The following NEURL1B variants were observed in gnomAD, a reference collection of about 807,000 sequenced individuals.
The protein encoded by NEURL1B is E3 ubiquitin-protein ligase NEURL1B.
NEURL1B carries 13 observed loss-of-function variants against 37.4 expected under a neutral mutation model. That is an observed-to-expected ratio of 0.35 (90% CI 0.23 to 0.55). The LOEUF (loss-of-function observed/expected upper bound fraction) is 0.55, where lower values mean the gene tolerates loss of function less well. NEURL1B is among the 20% of genes least tolerant of loss of function. The pLI is 0.89. For synonymous variants in NEURL1B, 432 were observed against 426.6 expected (o/e 1.01, Z -0.16); for missense variants, 790 against 879.2 (o/e 0.90, Z 1.28).
chr5:172,649,822 C>A (rs896562597), intron 1 of NEURL1B, among the ~76,000 whole-genome samples: 1 of 152,214 alleles, frequency 6.6e-6, no homozygotes, highest in African/African-American at 2.4e-5. Context: ...TCAGAACTTT[C>A]AGATAGCGGC....
chr5:172,650,485 T>G (rs1209640210), intron 1 of NEURL1B, among the ~76,000 whole-genome samples: 1 of 152,168 alleles, frequency 6.6e-6, no homozygotes, highest in African/African-American at 2.4e-5. Context: ...AAATGGGGTC[T>G]TTCGCTGGAA....
chr5:172,649,187 A>G (rs1757613964), intron 1 of NEURL1B, among the ~76,000 whole-genome samples: 1 of 152,088 alleles, frequency 6.6e-6, no homozygotes, highest in African/African-American at 2.4e-5. Flanking sequence ...GTACACAGGT[A>G]ATTAGTCAAA....
In NEURL1B at chr5:172,676,791, G is replaced by T. The variant is rs970330616; in HGVS notation, c.577+6461G>T. 4.6e-5 allele frequency among the ~76,000 whole-genome samples: 7 copies of T among 152,228 alleles called. No individual in the cohort carries two copies. The highest frequency in any genetic ancestry group is 8.8e-5 in the Non-Finnish European group (6 of 68,046). On this transcript the variant is annotated intron_variant, in intron 2 of 4. Transcript: ENST00000369800. The surrounding 1 kb of genome is among the most constrained non-coding windows in gnomAD (Gnocchi z 4.5). ...GGGTCATGTCTTCTGTTCCTTACAA[G>T]AATCCTGTGAGGCAGGAAACTCATT... is the stretch of plus-strand genomic sequence containing the variant.
At position 172,661,254 on chromosome 5, in the gene NEURL1B, A is replaced by G. The variant is rs927657741; in HGVS notation, c.32-8531A>G. Among the ~76,000 whole-genome samples the G allele has an allele frequency of 7.2e-5, 11 of 152,196 alleles. No individual in the cohort carries two copies. The highest frequency in any genetic ancestry group is 1.5e-4 in the Non-Finnish European group (10 of 68,046). Reference sequence around the variant, plus strand: ...AGGTCCAGGAAGCCCCTGAAGTTGAATATCAGATTGTGCATGGAGTCTGGG... The same window carrying G: ...AGGTCCAGGAAGCCCCTGAAGTTGAGTATCAGATTGTGCATGGAGTCTGGG... On this transcript the variant is annotated intron_variant, in intron 1 of 4. Transcript: ENST00000369800. The surrounding 1 kb of genome is among the most constrained non-coding windows in gnomAD (Gnocchi z 4.0).
rs138220033 is a variant in NEURL1B at position 172,663,829 on chromosome 5, T to TTTTTTTTAATTATTATTATTATTATTA, written c.32-5954_32-5953insTTTTTAATTATTATTATTATTATTATT. ...TTCCTGGCAAAAGAGGTTTTATTTG[T>TTTTTTTTAATTATTATTATTATTATTA]TTATTATTATTATTATTATTATTAT... On this transcript the variant is annotated intron_variant, in intron 1 of 4. Coordinates refer to ENST00000369800, the MANE Select transcript of NEURL1B (RefSeq NM_001142651.3). Among the ~76,000 whole-genome samples the TTTTTTTTAATTATTATTATTATTATTA allele has an allele frequency of 3.6e-5, 5 of 140,826 alleles. No individual in the cohort carries two copies. In the South Asian group the frequency reaches 9.4e-4, roughly 26 times the overall value. The allele number at this position is 140,826 out of a possible 152,430, so 92.4% of individuals were successfully genotyped here.
intron 1 of NEURL1B, among the ~76,000 whole-genome samples, chr5:172,658,704 C>A (rs1412405388): frequency 6.6e-6 from 1 of 152,110 alleles, no homozygotes; most frequent in Non-Finnish European, 1.5e-5. Flanking sequence ...TCATGGGCAG[C>A]TCACCCAATC....
Position 172,686,426 on chromosome 5 carries a change from G to A in NEURL1B, c.1423+130G>A. On this transcript the variant is annotated intron_variant, in intron 4 of 4. Transcript: ENST00000369800. This position sits in a 1 kb window ranked among gnomAD's most constrained non-coding sequence, Gnocchi z 7.9. Reference sequence around the variant, plus strand: ...CCCGCATCCTCTCCTTCCCTCAGCTGTATGCTCAGCTGGAGGGAGGAGAAG... The same window carrying A: ...CCCGCATCCTCTCCTTCCCTCAGCTATATGCTCAGCTGGAGGGAGGAGAAG... 9.6e-7 allele frequency: 1 copy of A among 1,042,228 alleles called. No individual in the cohort carries two copies. 64.6% of individuals were successfully genotyped at this position (1,042,228 alleles called of 1,614,324 possible).
chr5:172,646,149 G>A (rs1476764110), intron 1 of NEURL1B, among the ~76,000 whole-genome samples: 1 of 152,208 alleles, frequency 6.6e-6, no homozygotes, highest in Non-Finnish European at 1.5e-5. Flanking sequence ...GCAGTGCAAG[G>A]CTGGTGTTAT....
At chr5:172,680,450 G>A (rs1028076830) in intron 2 of NEURL1B, among the ~76,000 whole-genome samples, 1 of 152,230 alleles carries the variant, frequency 6.6e-6, no homozygotes, top group Non-Finnish European at 1.5e-5. Context: ...AGTAAGGCCA[G>A]CGCCTTTAGG....
At chr5:172,678,992 G>A (rs187719003) in intron 2 of NEURL1B, among the ~76,000 whole-genome samples, 1 of 152,368 alleles carries the variant, frequency 6.6e-6, no homozygotes, top group Non-Finnish European at 1.5e-5. Context: ...TCAGGGGCCT[G>A]TCCCAGCCTC....
Position 172,655,230 on chromosome 5 carries a change from C to T in NEURL1B, c.31+13793C>T, listed in dbSNP as rs1054914294. On this transcript the variant is annotated intron_variant, in intron 1 of 4. Transcript: ENST00000369800. The stretch of plus-strand genomic sequence containing the variant: ...ACCAGGGATGTCTCGCCTTGCCTGT[C>T]CCGGAAGTCTCAACCCCTCAAACCA... Among the ~76,000 whole-genome samples, 6 of 152,160 alleles carry T rather than the reference C, an allele frequency of 3.9e-5. No homozygotes were observed. In the East Asian group the frequency reaches 7.7e-4, roughly 20 times the overall value.
rs564988837 is a variant in NEURL1B, at chr5:172,670,649, A to C, written c.577+319A>C. Among the ~76,000 whole-genome samples, 11 of 152,158 alleles carry C rather than the reference A, an allele frequency of 7.2e-5. No homozygotes were observed. The South Asian group carries it at 2.3e-3, about 32-fold the overall frequency. Reference sequence around the variant, plus strand: ...CACTTCCTAGTTTATTTGCTCATTCATTCATTCATTCATTCGCTCACTCAT... The same window carrying C: ...CACTTCCTAGTTTATTTGCTCATTCCTTCATTCATTCATTCGCTCACTCAT... On this transcript the variant is annotated intron_variant, in intron 2 of 4. Transcript: ENST00000369800.
chr5:172,673,914 G>A (rs1308806935), intron 2 of NEURL1B, among the ~76,000 whole-genome samples: 1 of 151,986 alleles, frequency 6.6e-6, no homozygotes, highest in African/African-American at 2.4e-5. Context: ...CGAGGCAGGC[G>A]GATCACCTGA....
rs753045486 is a variant in NEURL1B at position 172,687,104 on chromosome 5, T to C, written c.*179T>C. ...CCTCAGCCCAGGCAGGGGTTGCTTC[T>C]GGCTCCAAAGTGCTTTGCCCCCAAA... is the stretch of plus-strand genomic sequence containing the variant. On this transcript the variant is annotated 3_prime_UTR_variant, in exon 5 of 5. Coordinates refer to ENST00000369800, the MANE Select transcript of NEURL1B (RefSeq NM_001142651.3). The C allele has an allele frequency of 1.2e-4, 89 of 738,062 alleles. No homozygotes were observed. Among genetic ancestry groups the C allele is most frequent in the Non-Finnish European group, 1.8e-4 (83 of 468,478 alleles). The allele number at this position is 738,062 out of a possible 1,614,324, so 45.7% of individuals were successfully genotyped here.
At chr5:172,684,201 C>T (rs1485648231) in intron 3 of NEURL1B, 63 bp downstream of exon 3, 4 of 1,154,380 alleles carry the variant, frequency 3.5e-6, no homozygotes, top group Non-Finnish European at 2.2e-6. Context: ...CGTCTCACCC[C>T]GCTGCGCTCT....
intron 1 of NEURL1B, among the ~76,000 whole-genome samples, chr5:172,653,993 T>C (rs1135163): frequency 6.6e-6 from 1 of 151,584 alleles, no homozygotes; most frequent in Non-Finnish European, 1.5e-5. Context: ...CTCCCCCAAC[T>C]TTTTTTTTCC....
chr5:172,641,633 C>T lies in NEURL1B; in HGVS notation c.31+196C>T, dbSNP rs1217029399. The stretch of plus-strand genomic sequence containing the variant: ...CTTTGCGCCCCGGGAGGGCGGGTAC[C>T]GCGTCCTGGTTACCTTGGGGACCCC... On this transcript the variant is annotated intron_variant, in intron 1 of 4. Transcript: ENST00000369800. This position sits in a 1 kb window ranked among gnomAD's most constrained non-coding sequence, Gnocchi z 6.4. Among the ~76,000 whole-genome samples the T allele has an allele frequency of 1.3e-5, 2 of 152,128 alleles. No homozygotes were observed. The highest frequency in any genetic ancestry group is 4.8e-5 in the African/African-American group (2 of 41,428).
At chr5:172,673,014 G>A (rs534777252) in intron 2 of NEURL1B, among the ~76,000 whole-genome samples, 63 of 152,276 alleles carry the variant, frequency 4.1e-4, no homozygotes, top group African/African-American at 1.5e-3. Flanking sequence ...ACACGTGATT[G>A]AGGCTCAATG....
At chr5:172,663,203 ACT>A (rs1250744888) in intron 1 of NEURL1B, among the ~76,000 whole-genome samples, 2 of 151,228 alleles carry the variant, frequency 1.3e-5, no homozygotes, top group Non-Finnish European at 1.5e-5. Flanking sequence ...ACAGAGCAAG[ACT>A]CTGCCTCAAG....
Sources: gnomAD v4.1 joint callset for allele counts (sites outside exome capture counted in the v4.1 genomes callset) on GRCh38, gnomAD v4.1.1 for gene constraint, Gnocchi (gnomAD v3.1) non-coding constraint, MANE v1.5 for transcripts, NCBI Gene and HGNC (gene_info 2026-07-23, HGNC 2026-07-21) for gene names.